OXNAD1: variants seen among roughly 807,000 people sequenced by gnomAD.
The protein encoded by OXNAD1 is oxidoreductase NAD binding domain containing 1, also known as oxidoreductase NAD-binding domain-containing protein 1.
OXNAD1 carries 34 observed loss-of-function variants against 32.9 expected under a neutral mutation model. The observed-to-expected ratio is 1.03, with a 90% CI of 0.79 to 1.38. The LOEUF (loss-of-function observed/expected upper bound fraction) is 1.38. OXNAD1 is among the 40% of genes most tolerant of loss of function. The probability of loss-of-function intolerance (pLI) is 0.00; values close to 1 mark genes in which losing one functional copy is unlikely to be tolerated. For synonymous variants in OXNAD1, 134 were observed against 135.2 expected (o/e 0.99, Z 0.06); for missense variants, 407 against 379.4 (o/e 1.07, Z -0.60).
Position 16,342,879 on chromosome 3 carries a change from G to A in OXNAD1, c.*31-6297G>A, listed in dbSNP as rs546615538. On this transcript the variant is annotated intron_variant, in intron 9 of 9. Coordinates refer to the OXNAD1 transcript ENST00000606098. This position sits in a 1 kb window ranked among gnomAD's most constrained non-coding sequence, Gnocchi z 4.0. ...CATGCAGTTCCCTAATCTCCACCCC[G>A]AAGACCCACTGACTTTGAGTCTCGA... Among the ~76,000 whole-genome samples, 532 of 152,212 alleles carry A rather than the reference G, an allele frequency of 3.5e-3. 4 individuals carry two copies. The highest frequency in any genetic ancestry group is 0.012 in the African/African-American group (500 of 41,530).
intron 9 of OXNAD1, among the ~76,000 whole-genome samples, chr3:16,333,481 T>C (rs1320565596): frequency 1.3e-5 from 2 of 151,958 alleles, no homozygotes; most frequent in African/African-American, 2.4e-5. Context: ...ATCTATCTAA[T>C]TATGTCATTC....
intron 5 of OXNAD1, among the ~76,000 whole-genome samples, chr3:16,291,346 A>C (rs989613520): frequency 2.0e-5 from 3 of 152,244 alleles, no homozygotes; most frequent in African/African-American, 7.2e-5. Flanking sequence ...AGAGTTGTGC[A>C]GCTATCAGCA....
rs550142088 is a variant in OXNAD1, at chr3:16,301,778, C to A, written c.585C>A (p.Leu195=). The change falls in exon 7 of 9, where the codon CTC becomes CTA. Residue 195 remains leucine (L), a synonymous_variant. Coordinates refer to ENST00000285083, the MANE Select transcript of OXNAD1 (RefSeq NM_138381.5). This position sits in a 1 kb window ranked among gnomAD's most constrained non-coding sequence, Gnocchi z 4.1. The stretch of plus-strand genomic sequence containing the variant: ...TCCTGCGGCACGCAGCAGATCTCCT[C>A]AGAGAGCAGGCAAACAAAAGAAATG... The part of the protein sequence containing the change: ...LSILRHAADL[L]REQANKRNGY... 6.2e-7 allele frequency: 1 copy of A among 1,614,092 alleles called. No individual in the cohort carries two copies. Among genetic ancestry groups the A allele is most frequent in the South Asian group, 1.1e-5 (1 of 91,080 alleles).
intron 9 of OXNAD1, chr3:16,347,863 A>T (rs1027131580): frequency 3.9e-5 from 6 of 152,230 alleles, no homozygotes; most frequent in African/African-American, 1.4e-4. Context: ...GGTTCCCTAT[A>T]AGGAGACCCT....
At chr3:16,328,973 C>A (rs1320458069) in intron 9 of OXNAD1, among the ~76,000 whole-genome samples, 1 of 152,196 alleles carries the variant, frequency 6.6e-6, no homozygotes, top group Non-Finnish European at 1.5e-5. Flanking sequence ...AAGGAAAGTG[C>A]TAAGGTTTGA....
At chr3:16,347,264 C>T (rs905361015) in intron 9 of OXNAD1, among the ~76,000 whole-genome samples, 2 of 152,202 alleles carry the variant, frequency 1.3e-5, no homozygotes, top group South Asian at 4.1e-4. Flanking sequence ...ACAGGGCAAC[C>T]CTGGAGAGAC....
rs560551597 is a variant in OXNAD1, at chr3:16,317,369, C to T, written c.*30+13777C>T. 4.6e-6 allele frequency: 4 copies of T among 878,270 alleles called. No individual in the cohort carries two copies. The African/African-American group carries it at 5.1e-5, about 11-fold the overall frequency. 54.4% of individuals were successfully genotyped at this position (878,270 alleles called of 1,614,324 possible). On this transcript the variant is annotated intron_variant, in intron 9 of 9. Transcript: ENST00000435829. The surrounding 1 kb of genome is among the most constrained non-coding windows in gnomAD (Gnocchi z 4.3). Reference sequence around the variant, plus strand: ...CCCAGCATCCCCCAGCCAGGCAGTACAGGCACCAAACTTGAATCGCACACT... The same window carrying T: ...CCCAGCATCCCCCAGCCAGGCAGTATAGGCACCAAACTTGAATCGCACACT...
chr3:16,277,619 C>T lies in OXNAD1; in HGVS notation c.183+5897C>T, dbSNP rs149183950. ...GGGCCTAGGACATGTCTCTCAGTGA[C>T]GAAAGGAAGCTCCAGCTCAGAATTC... On this transcript the variant is annotated intron_variant, in intron 4 of 8. Transcript: ENST00000285083. The surrounding 1 kb of genome is among the most constrained non-coding windows in gnomAD (Gnocchi z 4.3). Among the ~76,000 whole-genome samples the T allele has an allele frequency of 2.2e-4, 34 of 152,278 alleles. No homozygotes were observed. The highest frequency in any genetic ancestry group is 9.8e-4 in the Admixed American group (15 of 15,292).
At chr3:16,279,680 A>T (rs934185529) in intron 4 of OXNAD1, among the ~76,000 whole-genome samples, 5 of 151,952 alleles carry the variant, frequency 3.3e-5, no homozygotes, top group Non-Finnish European at 5.9e-5. Context: ...GTGTTCTTGG[A>T]GCCAGGGGGA....
intron 4 of OXNAD1, among the ~76,000 whole-genome samples, chr3:16,285,206 G>T (rs1055790585): frequency 2.0e-5 from 3 of 152,234 alleles, no homozygotes; most frequent in African/African-American, 7.2e-5. Context: ...CATCCATCAT[G>T]AGAATTATCC....
At chr3:16,343,961 A>G (rs2071477358) in intron 9 of OXNAD1, among the ~76,000 whole-genome samples, 1 of 152,208 alleles carries the variant, frequency 6.6e-6, no homozygotes, top group South Asian at 2.1e-4. Flanking sequence ...CTGCCTCAAA[A>G]GTGAAGATCT....
intron 4 of OXNAD1, among the ~76,000 whole-genome samples, chr3:16,281,325 G>A (rs1012365999): frequency 1.3e-5 from 2 of 152,138 alleles, no homozygotes; most frequent in African/African-American, 4.8e-5. Context: ...ATAGCAGTAG[G>A]TACATTACTG....
At chr3:16,283,532 T>G (rs1001833416) in intron 4 of OXNAD1, among the ~76,000 whole-genome samples, 2 of 152,240 alleles carry the variant, frequency 1.3e-5, no homozygotes, top group African/African-American at 4.8e-5. Flanking sequence ...ATAAAATATT[T>G]AACCTAGCAT....
rs6792868 is a variant in OXNAD1 at position 16,278,222 on chromosome 3, A to T, written c.183+6500A>T. Among the ~76,000 whole-genome samples, 954 of 152,076 alleles carry T rather than the reference A, an allele frequency of 6.3e-3. 13 individuals are homozygous for T. The highest frequency in any genetic ancestry group is 0.021 in the African/African-American group (889 of 41,464). On this transcript the variant is annotated intron_variant, in intron 4 of 8. Coordinates refer to ENST00000285083, the MANE Select transcript of OXNAD1 (RefSeq NM_138381.5). ...GCTCCTATCCTCAGATTTTAATGGG[A>T]CTCTGATCAGAAGACTTTATGCACC...
intron 9 of OXNAD1, chr3:16,326,731 G>A: frequency 1.4e-6 from 2 of 1,430,518 alleles, no homozygotes; most frequent in Non-Finnish European, 9.9e-7. Flanking sequence ...CTAGCACAGA[G>A]TAAGTGTTCA....
intron 4 of OXNAD1, chr3:16,276,394 A>G (rs867834552): frequency 2.8e-4 from 54 of 193,656 alleles, no homozygotes; most frequent in African/African-American, 1.2e-3. Context: ...GGCAGAGGAA[A>G]AAGTTGTTGG....
intron 4 of OXNAD1, among the ~76,000 whole-genome samples, chr3:16,282,281 A>G (rs1454629451): frequency 6.6e-6 from 1 of 151,924 alleles, no homozygotes; most frequent in Non-Finnish European, 1.5e-5. Flanking sequence ...TCTACTAAAT[A>G]AATGTCTGCT....
rs1186108610 is a variant in OXNAD1 at position 16,271,186 on chromosome 3, T to G, written c.119+115T>G. The stretch of plus-strand genomic sequence containing the variant: ...GAAAGGTAACACCTTAGCTTCAATG[T>G]GCATGCTGTCAGGTTGTTAACCGTT... On this transcript the variant is annotated intron_variant, in intron 3 of 8. Transcript: ENST00000285083. This position sits in a 1 kb window ranked among gnomAD's most constrained non-coding sequence, Gnocchi z 4.6. 2 of 1,261,444 alleles carry G rather than the reference T, an allele frequency of 1.6e-6. No individual in the cohort carries two copies. Among genetic ancestry groups the G allele is most frequent in the African/African-American group, 1.6e-5 (1 of 61,978 alleles). 78.1% of individuals were successfully genotyped at this position (1,261,444 alleles called of 1,614,324 possible). A position where few individuals can be genotyped will look rare whatever the true frequency, so the allele number is the denominator to read the frequency against.
downstream of OXNAD1, among the ~76,000 whole-genome samples, chr3:16,307,719 G>A (rs796678471): frequency 4.5e-5 from 6 of 134,380 alleles, no homozygotes; most frequent in African/African-American, 1.8e-4. Flanking sequence ...TTCTCATTGG[G>A]TTGTTTTATT....
Sources: allele counts gnomAD v4.1 joint callset (sites outside exome capture counted in the v4.1 genomes callset), GRCh38; gene constraint gnomAD v4.1.1; non-coding constraint Gnocchi (gnomAD v3.1); transcripts MANE v1.5; gene names NCBI Gene and HGNC (gene_info 2026-07-23, HGNC 2026-07-21).